The following PCDHA2 variants were observed in gnomAD, a reference collection of about 807,000 sequenced individuals.
PCDHA2 encodes protocadherin alpha-2.
In PCDHA2, 58 loss-of-function variants were observed where a neutral mutation model predicts 66.0. That is an observed-to-expected ratio of 0.88 (90% CI 0.71 to 1.09). The LOEUF (loss-of-function observed/expected upper bound fraction) is 1.09. Among genes scored for constraint, PCDHA2 ranks in the 50% least tolerant of loss-of-function variants. The probability of loss-of-function intolerance (pLI) is 0.00; values close to 1 mark genes in which losing one functional copy is unlikely to be tolerated. For missense variants in PCDHA2, 1,267 were observed against 1,242.3 expected, an observed-to-expected ratio of 1.02 and a Z score of -0.30; for synonymous variants, 634 against 554.0, an observed-to-expected ratio of 1.14 and a Z score of -2.03.
At chr5:140,955,240 G>A (rs2095156409) in intron 1 of PCDHA2, among the ~76,000 whole-genome samples, 1 of 152,102 alleles carries the variant, frequency 6.6e-6, no homozygotes, top group African/African-American at 2.4e-5. Flanking sequence ...TTTTGCTTAG[G>A]ATCGGCTTGG....
Position 140,941,473 on chromosome 5 carries a change from G to A in PCDHA2, c.2389-37476G>A, listed in dbSNP as rs192163900. Among the ~76,000 whole-genome samples, 149 of 151,018 alleles carry A rather than the reference G, an allele frequency of 9.9e-4. 1 individual carries two copies. Among genetic ancestry groups the A allele is most frequent in the African/African-American group, 3.5e-3 (143 of 41,138 alleles). Reference sequence around the variant, plus strand: ...TGGGATTACAGGCGCCCACCACCACGCCTGGCTAATTTTTTGTATTTTTAG... The same window carrying A: ...TGGGATTACAGGCGCCCACCACCACACCTGGCTAATTTTTTGTATTTTTAG... On this transcript the variant is annotated intron_variant, in intron 1 of 3. Coordinates refer to ENST00000526136, the MANE Select transcript of PCDHA2 (RefSeq NM_018905.3).
In PCDHA2 at chr5:140,829,836, C is replaced by T. The variant is rs2150175782; in HGVS notation, c.2388+32484C>T. ...GGTGGTGCAGTGAGCGAGCTGGTGC[C>T]GCGGTCACTGGGTGCAGGCCAAGTG... On this transcript the variant is annotated intron_variant, in intron 1 of 3. Coordinates refer to ENST00000526136, the MANE Select transcript of PCDHA2 (RefSeq NM_018905.3). The T allele has an allele frequency of 1.7e-5, 27 of 1,613,772 alleles. No homozygotes were observed. Among genetic ancestry groups the T allele is most frequent in the Non-Finnish European group, 2.3e-5 (27 of 1,179,892 alleles).
Position 140,795,529 on chromosome 5 carries a change from A to G in PCDHA2, c.565A>G (p.Ser189Gly), listed in dbSNP as rs1191999801. Residue 189 changes from serine to glycine, a missense_variant, in exon 1 of 4, where the codon AGC becomes GGC. Coordinates refer to ENST00000526136, the MANE Select transcript of PCDHA2 (RefSeq NM_018905.3). ...AGATATACAGGCAAATGATGAACTA[A>G]GCGAATCTTTGTCTCTCGTGCTGGG... Reference protein sequence around the residue: ...FLDIQANDELSESLSLVLGKS... With the variant: ...FLDIQANDELGESLSLVLGKS... 2 of 1,614,078 alleles carry G rather than the reference A, an allele frequency of 1.2e-6. No homozygotes were observed. Among genetic ancestry groups the G allele is most frequent in the Admixed American group, 3.3e-5 (2 of 60,008 alleles).
rs943373745 is a variant in PCDHA2 at position 140,935,260 on chromosome 5, G to A, written c.2389-43689G>A. Among the ~76,000 whole-genome samples the A allele has an allele frequency of 3.3e-5, 5 of 152,168 alleles. No individual in the cohort carries two copies. In the South Asian group the frequency reaches 8.3e-4, roughly 25 times the overall value. On this transcript the variant is annotated intron_variant, in intron 1 of 3. Transcript: ENST00000526136. ...TTTTAAAAGATAAAATACATCACAT[G>A]TTTATACTAATCTAATAAAGTTCAG... is the stretch of plus-strand genomic sequence containing the variant.
At chr5:140,964,044 A>G (rs155810) in intron 1 of PCDHA2, among the ~76,000 whole-genome samples, 592 of 152,346 alleles carry the variant, frequency 3.9e-3, no homozygotes, top group Middle Eastern at 0.024. Context: ...AAAGGAATGC[A>G]TAATGGTGTG....
Position 140,795,644 on chromosome 5 carries a change from A to C in PCDHA2, c.680A>C (p.Gln227Pro), listed in dbSNP as rs1761978591. ...GGKPELTGTVQILIKVLDVND... is the reference protein window; with the variant it reads ...GGKPELTGTVPILIKVLDVND... ...AAACCTGAGCTCACGGGCACCGTTC[A>C]AATACTTATTAAGGTATTAGATGTA... The change falls in exon 1 of 4, where the codon CAA becomes CCA. Residue 227 changes from glutamine (Q) to proline (P), a missense_variant. Gln to Pro is a moderately conservative substitution (Grantham distance 76). Coordinates refer to ENST00000526136, the MANE Select transcript of PCDHA2 (RefSeq NM_018905.3). 1 of 1,614,136 alleles carries C rather than the reference A, an allele frequency of 6.2e-7. No individual in the cohort carries two copies. Among genetic ancestry groups the C allele is most frequent in the Non-Finnish European group, 8.5e-7 (1 of 1,179,976 alleles).
chr5:140,836,700 A>G (rs1488520906), intron 1 of PCDHA2: 1 of 1,613,320 alleles, frequency 6.2e-7, no homozygotes, highest in African/African-American at 1.3e-5. Context: ...CATGGCCTTC[A>G]GTCCCAGCCT....
At chr5:140,876,184 A>T in intron 1 of PCDHA2, 1 of 1,613,968 alleles carries the variant, frequency 6.2e-7, no homozygotes. Flanking sequence ...TGTGAATGAC[A>T]ATGGTCCGGC....
At chr5:140,930,013 G>A (rs2086530432) in intron 1 of PCDHA2, 1 of 152,118 alleles carries the variant, frequency 6.6e-6, no homozygotes, top group Admixed American at 6.5e-5. Context: ...ATAGCTGATA[G>A]CTCCATAGCA....
intron 1 of PCDHA2, among the ~76,000 whole-genome samples, chr5:140,925,899 G>A (rs149135478): frequency 2.0e-5 from 3 of 151,846 alleles, no homozygotes; most frequent in African/African-American, 7.3e-5. Context: ...CACCCAGATC[G>A]TCAAGGGCCG....
chr5:140,982,649 G>T, intron 3 of PCDHA2, 86 bp downstream of exon 3: 2 of 1,504,320 alleles, frequency 1.3e-6, no homozygotes, highest in South Asian at 1.3e-5. Context: ...AATGTTGATG[G>T]CTCTTTTTCT....
chr5:140,887,309 G>T (rs2061400609), intron 1 of PCDHA2, among the ~76,000 whole-genome samples: 1 of 152,182 alleles, frequency 6.6e-6, no homozygotes, highest in South Asian at 2.1e-4. Flanking sequence ...TGTTAGCCAG[G>T]ATAGTCTCGA....
At chr5:140,911,021 G>A (rs1340465729) in intron 1 of PCDHA2, among the ~76,000 whole-genome samples, 2 of 152,066 alleles carry the variant, frequency 1.3e-5, no homozygotes, top group African/African-American at 4.8e-5. Context: ...CTTTAGTCTA[G>A]TTATAGGTCT....
rs782676713 is a variant in PCDHA2 at position 140,968,215 on chromosome 5, G to A, written c.2389-10734G>A. 3 of 1,613,862 alleles carry A rather than the reference G, an allele frequency of 1.9e-6. 1 individual carries two copies. The highest frequency in any genetic ancestry group is 2.5e-6 in the Non-Finnish European group (3 of 1,180,046). On this transcript the variant is annotated intron_variant, in intron 1 of 3. Transcript: ENST00000526136. ...CCATCTACATACAGGAGAACAATTT[G>A]CCAGGTGTGTTGCTCTGTACTGTGC... is the stretch of plus-strand genomic sequence containing the variant.
intron 1 of PCDHA2, chr5:140,861,376 C>G (rs1490345053): frequency 4.8e-6 from 2 of 418,688 alleles, no homozygotes; most frequent in African/African-American, 4.1e-5. Flanking sequence ...GTCCCTATTG[C>G]GCAGGACCTG....
intron 1 of PCDHA2, chr5:140,807,901 T>C (rs1764058639): frequency 6.2e-7 from 1 of 1,613,982 alleles, no homozygotes; most frequent in African/African-American, 1.3e-5. Flanking sequence ...CCAATGACAA[T>C]GCCCCAGCTT....
At chr5:140,828,535 A>G in intron 1 of PCDHA2, 1 of 1,614,248 alleles carries the variant, frequency 6.2e-7, no homozygotes, top group African/African-American at 1.3e-5. Context: ...CTAGGCTGCC[A>G]GATTCTGTGT....
At position 140,857,927 on chromosome 5, in the gene PCDHA2, A is replaced by C. The variant is rs1554150876; in HGVS notation, c.2388+60575A>C. ...CATCCCGTTTCGCGTGGGGCTGTAC[A>C]CGGGCGAGATCAGTACGACGCGCGC... On this transcript the variant is annotated intron_variant, in intron 1 of 3. Transcript: ENST00000526136. The C allele has an allele frequency of 1.9e-6, 3 of 1,597,510 alleles. 1 individual carries two copies. Among genetic ancestry groups the C allele is most frequent in the Non-Finnish European group, 2.6e-6 (3 of 1,167,484 alleles).
intron 1 of PCDHA2, chr5:140,823,348 G>C (rs782629988): frequency 6.2e-7 from 1 of 1,612,340 alleles, no homozygotes. Flanking sequence ...GCTGGACCAC[G>C]AGGAAGTGGA....
Sources: gnomAD v4.1 joint callset for allele counts (sites outside exome capture counted in the v4.1 genomes callset) on GRCh38, gnomAD v4.1.1 for gene constraint, MANE v1.5 for transcripts, NCBI Gene and HGNC (gene_info 2026-07-23, HGNC 2026-07-21) for gene names.